DPF3: variants seen among roughly 807,000 people sequenced by gnomAD.
DPF3 encodes the protein zinc finger protein DPF3.
In DPF3, 18 loss-of-function variants were observed where a neutral mutation model predicts 56.8. That is an observed-to-expected ratio of 0.32 (90% CI 0.22 to 0.47). The LOEUF (loss-of-function observed/expected upper bound fraction) is 0.47. Among genes scored for constraint, DPF3 ranks in the 20% least tolerant of loss-of-function variants. The probability of loss-of-function intolerance (pLI) is 1.00; values close to 1 mark genes in which losing one functional copy is unlikely to be tolerated. For synonymous variants in DPF3, 188 were observed against 180.2 expected (o/e 1.04, Z -0.35); for missense variants, 403 against 488.8 (o/e 0.82, Z 1.65).
intron 1 of DPF3, among the ~76,000 whole-genome samples, chr14:72,863,910 T>C (rs1280988401): frequency 6.6e-6 from 1 of 152,086 alleles, no homozygotes; most frequent in Non-Finnish European, 1.5e-5. Context: ...GCTCATCAAG[T>C]AGAGACCTGG....
chr14:72,752,519 T>C (rs1407058036), intron 3 of DPF3, among the ~76,000 whole-genome samples: 2 of 152,092 alleles, frequency 1.3e-5, no homozygotes, highest in Non-Finnish European at 2.9e-5. Flanking sequence ...AAAAATTAGC[T>C]GGGAGTGGTG....
At chr14:72,701,178 G>A (rs1004523115) in intron 6 of DPF3, among the ~76,000 whole-genome samples, 4 of 152,154 alleles carry the variant, frequency 2.6e-5, no homozygotes, top group Non-Finnish European at 5.9e-5. Flanking sequence ...GGGGGCAAGC[G>A]CTTTTGCACC....
At chr14:72,724,223 C>CTTT (rs796081997) in intron 4 of DPF3, 2 of 147,904 alleles carry the variant, frequency 1.4e-5, no homozygotes, top group South Asian at 2.3e-4. Context: ...TAAGCCACTG[C>CTTT]TTTTTTTTCT....
chr14:72,879,061 G>A (rs118055934), intron 1 of DPF3, among the ~76,000 whole-genome samples: 2,001 of 152,314 alleles, frequency 0.013, 27 homozygotes, highest in Middle Eastern at 0.051. Flanking sequence ...CGTTTCCTAC[G>A]TGCCTGCTAG....
chr14:72,841,018 T>A (rs188825866), intron 1 of DPF3, among the ~76,000 whole-genome samples: 62 of 152,352 alleles, frequency 4.1e-4, no homozygotes, highest in Admixed American at 1.3e-3. Context: ...ATTCTGCAGG[T>A]CTTCATTTTC....
chr14:72,611,600 T>TTGCA lies in DPF3; in HGVS notation c.*7693_*7696dup, dbSNP rs1317931301. Among the ~76,000 whole-genome samples the TTGCA allele has an allele frequency of 6.6e-6, 1 of 152,046 alleles. No individual in the cohort carries two copies. The highest frequency in any genetic ancestry group is 2.4e-5 in the African/African-American group (1 of 41,404). On this transcript the variant is annotated 3_prime_UTR_variant, in exon 11 of 11. Transcript: ENST00000556509. Reference sequence around the variant, plus strand: ...TCTGCCTCTGATCAGGCCCTGCCAGTTGCACCTCCCTGCCTTCCACCCCAG... The same window carrying TTGCA: ...TCTGCCTCTGATCAGGCCCTGCCAGTTGCATGCACCTCCCTGCCTTCCACCCCAG...
At chr14:72,634,809 A>C (rs547650193) in intron 8 of DPF3, among the ~76,000 whole-genome samples, 1 of 152,206 alleles carries the variant, frequency 6.6e-6, no homozygotes, top group Admixed American at 6.5e-5. Context: ...TAAATAGCCT[A>C]CTATAGTGGA....
rs966075515 is a variant in DPF3, at chr14:72,785,715, T to C, written c.33-13822A>G. Among the ~76,000 whole-genome samples the C allele has an allele frequency of 5.3e-5, 8 of 152,052 alleles. No individual in the cohort carries two copies. In the South Asian group the frequency reaches 1.0e-3, roughly 20 times the overall value. On this transcript the variant is annotated intron_variant, in intron 1 of 10. Coordinates refer to ENST00000556509, the MANE Select transcript of DPF3 (RefSeq NM_001280542.3). ...TATCACAGAGCCACCTCTCAGTAAC[T>C]CAAAAAAAGTTAATATGGGGCTTCC...
In DPF3 at chr14:72,619,228, G is replaced by A. The variant is rs931196058; in HGVS notation, c.*69C>T. The A allele has an allele frequency of 2.8e-6, 4 of 1,450,680 alleles. No homozygotes were observed. The highest frequency in any genetic ancestry group is 2.5e-5 in the East Asian group (1 of 40,242). 89.9% of individuals were successfully genotyped at this position (1,450,680 alleles called of 1,614,324 possible). On this transcript the variant is annotated 3_prime_UTR_variant, in exon 11 of 11. Transcript: ENST00000556509. The stretch of plus-strand genomic sequence containing the variant: ...CTGGCTGGATATGTGGGAGGAGGGC[G>A]CGTTCTGGTTTGAACTGGGCTCTGC...
intron 6 of DPF3, among the ~76,000 whole-genome samples, chr14:72,709,377 G>T (rs139481654): frequency 6.6e-6 from 1 of 152,142 alleles, no homozygotes; most frequent in Non-Finnish European, 1.5e-5. Context: ...GCCTAATGCC[G>T]TAGTTGGGGG....
chr14:72,628,636 AAGAGAG>A (rs148707360), intron 9 of DPF3, among the ~76,000 whole-genome samples: 30 of 149,696 alleles, frequency 2.0e-4, no homozygotes, highest in African/African-American at 6.8e-4. Context: ...GTCTTGCCAA[AAGAGAG>A]AGAGAGAGAG....
intron 1 of DPF3, among the ~76,000 whole-genome samples, chr14:72,861,771 G>GA (rs1555514021): frequency 6.8e-6 from 1 of 147,128 alleles, no homozygotes; most frequent in Non-Finnish European, 1.5e-5. Flanking sequence ...AAGAAAGAAA[G>GA]AAAGAAAGAA....
At chr14:72,653,945 C>A (rs1369072921) in intron 8 of DPF3, among the ~76,000 whole-genome samples, 1 of 152,216 alleles carries the variant, frequency 6.6e-6, no homozygotes, top group Non-Finnish European at 1.5e-5. Flanking sequence ...GTGCTGATCA[C>A]TTCTTTTCCC....
intron 8 of DPF3, among the ~76,000 whole-genome samples, chr14:72,637,152 G>C (rs1239671023): frequency 6.6e-6 from 1 of 152,204 alleles, no homozygotes; most frequent in Non-Finnish European, 1.5e-5. Context: ...AAACAGCCAA[G>C]GGCTCATGGC....
At chr14:72,840,334 T>G (rs1189832800) in intron 1 of DPF3, among the ~76,000 whole-genome samples, 1 of 152,204 alleles carries the variant, frequency 6.6e-6, no homozygotes, top group African/African-American at 2.4e-5. Flanking sequence ...TACACATAAT[T>G]CTGTGCATTC....
chr14:72,698,685 T>A (rs972948728), intron 6 of DPF3, among the ~76,000 whole-genome samples: 1 of 152,042 alleles, frequency 6.6e-6, no homozygotes, highest in Non-Finnish European at 1.5e-5. Context: ...AGAAAAAACA[T>A]AAAATAAAAA....
At chr14:72,774,656 T>G (rs970721769) in intron 1 of DPF3, among the ~76,000 whole-genome samples, 1 of 152,110 alleles carries the variant, frequency 6.6e-6, no homozygotes, top group Non-Finnish European at 1.5e-5. Flanking sequence ...ACAAAAACCC[T>G]TTGCTCCTTT....
intron 7 of DPF3, among the ~76,000 whole-genome samples, chr14:72,682,574 G>C (rs1310881814): frequency 6.6e-6 from 1 of 152,176 alleles, no homozygotes; most frequent in Non-Finnish European, 1.5e-5. Context: ...GCTTTGCCCA[G>C]CCGTGCCCTC....
At chr14:72,749,343 TG>T (rs1599407057) in intron 3 of DPF3, among the ~76,000 whole-genome samples, 1 of 152,256 alleles carries the variant, frequency 6.6e-6, no homozygotes, top group African/African-American at 2.4e-5. Context: ...TTGGAATGGC[TG>T]TATTTACCCA....
Sources: gnomAD v4.1 joint callset for allele counts (sites outside exome capture counted in the v4.1 genomes callset) on GRCh38, gnomAD v4.1.1 for gene constraint, MANE v1.5 for transcripts, NCBI Gene and HGNC (gene_info 2026-07-23, HGNC 2026-07-21) for gene names.